The following NEO1 variants were observed in gnomAD, a reference collection of about 807,000 sequenced individuals.
NEO1 encodes the protein neogenin.
In NEO1, 63 loss-of-function variants were observed where a neutral mutation model predicts 159.7. The ratio of observed to expected loss-of-function variants is 0.39; its 90% CI spans 0.32 to 0.49. The LOEUF (loss-of-function observed/expected upper bound fraction) is 0.49. Ranked by LOEUF, NEO1 falls within the 20% of genes least tolerant of loss-of-function variation. The probability of loss-of-function intolerance (pLI) is 0.85; values close to 1 mark genes in which losing one functional copy is unlikely to be tolerated. For synonymous variants in NEO1, 633 were observed against 662.0 expected (o/e 0.96, Z 0.67); for missense variants, 1,615 against 1,831.0 (o/e 0.88, Z 2.15).
At chr15:73,183,286 C>A (rs979579610) in intron 7 of NEO1, among the ~76,000 whole-genome samples, 3 of 152,024 alleles carry the variant, frequency 2.0e-5, no homozygotes, top group African/African-American at 7.2e-5. Flanking sequence ...CTCCTTTAAG[C>A]CTCAAACCAG....
chr15:73,125,950 A>G (rs1883689093), intron 3 of NEO1, among the ~76,000 whole-genome samples: 1 of 152,212 alleles, frequency 6.6e-6, no homozygotes, highest in South Asian at 2.1e-4. Context: ...CACTGTTTGT[A>G]CACATGGCTT....
chr15:73,137,390 G>T (rs1168944200), intron 5 of NEO1, among the ~76,000 whole-genome samples: 1 of 151,996 alleles, frequency 6.6e-6, no homozygotes, highest in Non-Finnish European at 1.5e-5. Context: ...TAAAAATAAA[G>T]AATAAAGCAA....
intron 8 of NEO1, among the ~76,000 whole-genome samples, chr15:73,243,189 T>C (rs547126454): frequency 1.3e-5 from 2 of 148,492 alleles, no homozygotes; most frequent in East Asian, 4.0e-4. Context: ...GTGTGGGTAC[T>C]ATTGTTGGAT....
chr15:73,060,977 A>G (rs1474620315), intron 1 of NEO1, among the ~76,000 whole-genome samples: 2 of 152,236 alleles, frequency 1.3e-5, no homozygotes, highest in Non-Finnish European at 1.5e-5. Flanking sequence ...CCTCACCTAC[A>G]TAGGACTCAA....
intron 18 of NEO1, among the ~76,000 whole-genome samples, chr15:73,270,847 C>T (rs992013224): frequency 2.0e-5 from 3 of 152,154 alleles, no homozygotes; most frequent in African/African-American, 7.2e-5. Context: ...AGCAAATTAG[C>T]GTCTTATAAA....
chr15:73,276,354 T>G (rs532741030), intron 21 of NEO1, among the ~76,000 whole-genome samples: 2 of 152,364 alleles, frequency 1.3e-5, no homozygotes, highest in South Asian at 4.1e-4. Context: ...CTGGATAGTT[T>G]GGCTTAAATG....
At chr15:73,108,172 G>A (rs1266605593) in intron 1 of NEO1, among the ~76,000 whole-genome samples, 1 of 152,164 alleles carries the variant, frequency 6.6e-6, no homozygotes, top group African/African-American at 2.4e-5. Context: ...CTAAATATGA[G>A]CTAAATATTG....
chr15:73,162,211 G>A (rs2034234840), intron 5 of NEO1: 1 of 213,766 alleles, frequency 4.7e-6, no homozygotes, highest in African/African-American at 2.3e-5. Context: ...GATCTTCTAA[G>A]CCTCTTCACC....
At chr15:73,275,776 G>C (rs1242944577) in intron 21 of NEO1, among the ~76,000 whole-genome samples, 1 of 152,138 alleles carries the variant, frequency 6.6e-6, no homozygotes, top group Non-Finnish European at 1.5e-5. Context: ...TAACTGCCAT[G>C]GTGGAGGGAT....
Position 73,258,845 on chromosome 15 carries a change from G to A in NEO1, c.2172G>A (p.Leu724=), listed in dbSNP as rs760423723. ...INGTGPATDW[L]SAETFESDLD... ...GTACAGGCCCGGCAACTGACTGGCT[G>A]TCTGCTGAAACTTTTGAAAGTGACC... The change falls in exon 14 of 29, where the codon CTG becomes CTA. Residue 724 remains leucine (L), a synonymous_variant. Transcript: ENST00000261908. The A allele has an allele frequency of 1.1e-5, 17 of 1,613,776 alleles. No individual in the cohort carries two copies. Among genetic ancestry groups the A allele is most frequent in the Non-Finnish European group, 1.3e-5 (15 of 1,179,868 alleles).
chr15:73,145,509 C>G (rs2032816951), intron 5 of NEO1, among the ~76,000 whole-genome samples: 1 of 152,052 alleles, frequency 6.6e-6, no homozygotes. Context: ...TATTTAGTGG[C>G]AAAAATTATA....
chr15:73,114,614 T>C lies in NEO1; in HGVS notation c.131-1926T>C, dbSNP rs367937820. ...AATGAAATAAAAAGCAAGACAGTGT[T>C]AAACTGCGAAACATTTAAATTGTAA... On this transcript the variant is annotated intron_variant, in intron 1 of 28. Coordinates refer to ENST00000261908, the MANE Select transcript of NEO1 (RefSeq NM_002499.4). 1.1e-4 allele frequency among the ~76,000 whole-genome samples: 17 copies of C among 152,322 alleles called. No homozygotes were observed. The East Asian group carries it at 3.1e-3, about 28-fold the overall frequency.
intron 7 of NEO1, among the ~76,000 whole-genome samples, chr15:73,214,740 T>G (rs1446449929): frequency 6.6e-6 from 1 of 152,238 alleles, no homozygotes; most frequent in Non-Finnish European, 1.5e-5. Flanking sequence ...TGCTTAGTCT[T>G]GCTTTGGCTA....
At chr15:73,099,852 C>A (rs2070299086) in intron 1 of NEO1, among the ~76,000 whole-genome samples, 1 of 152,166 alleles carries the variant, frequency 6.6e-6, no homozygotes, top group South Asian at 2.1e-4. Flanking sequence ...GGAGTAATGG[C>A]AAAATCGCTT....
At chr15:73,190,573 C>T (rs2036186176) in intron 7 of NEO1, among the ~76,000 whole-genome samples, 1 of 152,064 alleles carries the variant, frequency 6.6e-6, no homozygotes, top group African/African-American at 2.4e-5. Flanking sequence ...GAATAAGTGA[C>T]TAATGGCCTG....
intron 1 of NEO1, among the ~76,000 whole-genome samples, chr15:73,085,691 CAT>C (rs1158049681): frequency 6.6e-6 from 1 of 152,132 alleles, no homozygotes. Flanking sequence ...AGTGATGTCT[CAT>C]AGTTTTAAAT....
intron 7 of NEO1, among the ~76,000 whole-genome samples, chr15:73,190,127 T>C (rs2036159358): frequency 6.6e-6 from 1 of 152,206 alleles, no homozygotes; most frequent in South Asian, 2.1e-4. Flanking sequence ...TACATTGTTA[T>C]TATTATTTAA....
chr15:73,249,868 C>T, intron 11 of NEO1, 147 bp downstream of exon 11: 1 of 879,730 alleles, frequency 1.1e-6, no homozygotes, highest in Non-Finnish European at 1.7e-6. Context: ...CAAGTCTGAA[C>T]ATCTTTTTTC....
chr15:73,083,412 T>C (rs1257376307), intron 1 of NEO1, among the ~76,000 whole-genome samples: 6 of 151,902 alleles, frequency 3.9e-5, no homozygotes, highest in Non-Finnish European at 8.8e-5. Context: ...ATTCATACAT[T>C]CAATAAATAT....
Sources: allele counts gnomAD v4.1 joint callset (sites outside exome capture counted in the v4.1 genomes callset), GRCh38; gene constraint gnomAD v4.1.1; transcripts MANE v1.5; gene names NCBI Gene and HGNC (gene_info 2026-07-23, HGNC 2026-07-21).